The following POTEM variants were observed in gnomAD, a reference collection of about 807,000 sequenced individuals.
POTEM encodes the protein putative POTE ankyrin domain family member M.
For missense variants in POTEM, 24 were observed against 343.0 expected (o/e 0.07, Z 7.35); for synonymous variants, 8 against 113.2 (o/e 0.07, Z 5.90).
intron 1 of POTEM, among the ~76,000 whole-genome samples, chr14:18,968,540 G>A (rs1890818208): frequency 6.6e-6 from 1 of 150,874 alleles, no homozygotes; most frequent in African/African-American, 2.4e-5. Flanking sequence ...GAGCTTTTTG[G>A]CTGGGCGTGG....
At chr14:18,969,354 T>C (rs1322654559) in intron 1 of POTEM, among the ~76,000 whole-genome samples, 51 of 85,882 alleles carry the variant, frequency 5.9e-4, no homozygotes, top group Non-Finnish European at 8.7e-4. Flanking sequence ...TATATATACA[T>C]GTGTATATAT....
chr14:18,978,186 T>A (rs1891014738), intron 5 of POTEM: 1 of 160,368 alleles, frequency 6.2e-6, no homozygotes, highest in Non-Finnish European at 1.3e-5. Context: ...GTCCCTCGAG[T>A]CTTCATGGCA....
rs1382161413 is a variant in POTEM, at chr14:19,002,701, G to C, written c.*4036G>C. On this transcript the variant is annotated 3_prime_UTR_variant, in exon 11 of 11. Transcript: ENST00000547889. ...TGCCCATACCATAGTTTCTGTGCTAGTGGACCGTACCATATCAGTGGAGAG... is the reference window on the plus strand; with the variant it reads ...TGCCCATACCATAGTTTCTGTGCTACTGGACCGTACCATATCAGTGGAGAG... 2.0e-5 allele frequency among the ~76,000 whole-genome samples: 3 copies of C among 152,204 alleles called. No individual in the cohort carries two copies. The highest frequency in any genetic ancestry group is 4.4e-5 in the Non-Finnish European group (3 of 68,016).
rs1288282703 is a variant in POTEM, at chr14:19,000,296, GC to G, written c.*1633del. Reference sequence around the variant, plus strand: ...CAGGAAGCCCCTTGCCCTTCTAAAAGCCACCCCACTTCTCTCTAAGGAGAAT... The same window carrying G: ...CAGGAAGCCCCTTGCCCTTCTAAAAGCACCCCACTTCTCTCTAAGGAGAAT... On this transcript the variant is annotated 3_prime_UTR_variant, in exon 11 of 11. Coordinates refer to ENST00000547889, the MANE Select transcript of POTEM (RefSeq NM_001145442.1). Among the ~76,000 whole-genome samples, 1 of 135,490 alleles carries G rather than the reference GC, an allele frequency of 7.4e-6. No individual in the cohort carries two copies. The highest frequency in any genetic ancestry group is 2.3e-4 in the East Asian group (1 of 4,426). The allele number at this position is 135,490 out of a possible 152,430, so 88.9% of individuals were successfully genotyped here.
chr14:18,969,323 A>ACG (rs1338186209), intron 1 of POTEM, among the ~76,000 whole-genome samples: 2 of 112,774 alleles, frequency 1.8e-5, no homozygotes, highest in South Asian at 3.4e-4. Flanking sequence ...ATATGTATAT[A>ACG]TATATATATA....
At chr14:18,969,214 T>C (rs1398310470) in intron 1 of POTEM, among the ~76,000 whole-genome samples, 61 of 132,172 alleles carry the variant, frequency 4.6e-4, no homozygotes, top group African/African-American at 1.8e-3. Flanking sequence ...ATTAAAAATT[T>C]TAAATATACA....
At chr14:18,980,758 AAAG>A (rs1759146913) in intron 6 of POTEM, 1 of 136,852 alleles carries the variant, frequency 7.3e-6, no homozygotes, top group Admixed American at 6.9e-5. Flanking sequence ...TTTGATCACA[AAAG>A]AACACTGAAG....
intron 1 of POTEM, among the ~76,000 whole-genome samples, chr14:18,969,307 GTATA>G (rs376582358): frequency 1.3e-5 from 1 of 79,500 alleles, no homozygotes; most frequent in Non-Finnish European, 2.3e-5. Flanking sequence ...ATGTATATAC[GTATA>G]TATATGTATA....
chr14:18,969,361 A>ATATG (rs1214268115), intron 1 of POTEM, among the ~76,000 whole-genome samples: 1 of 77,280 alleles, frequency 1.3e-5, no homozygotes, highest in Non-Finnish European at 3.5e-5. Flanking sequence ...ACATGTGTAT[A>ATATG]TATATATATA....
chr14:18,999,496 G>A lies in POTEM; in HGVS notation c.*831G>A, dbSNP rs530606419. Among the ~76,000 whole-genome samples, 15 of 107,062 alleles carry A rather than the reference G, an allele frequency of 1.4e-4. 3 individuals are homozygous for A. The highest frequency in any genetic ancestry group is 2.6e-4 in the African/African-American group (8 of 31,366). The allele number at this position is 107,062 out of a possible 152,430, so 70.2% of individuals were successfully genotyped here. On this transcript the variant is annotated 3_prime_UTR_variant, in exon 11 of 11. Coordinates refer to ENST00000547889, the MANE Select transcript of POTEM (RefSeq NM_001145442.1). ...ACCATGGCCGAGCAGGAAATCGTGC[G>A]TGACATCACAGAGAAGCTGTGCTAT... is the stretch of plus-strand genomic sequence containing the variant.
At chr14:18,969,376 T>C (rs1412345495) in intron 1 of POTEM, among the ~76,000 whole-genome samples, 4 of 128,898 alleles carry the variant, frequency 3.1e-5, no homozygotes, top group Non-Finnish European at 4.8e-5. Flanking sequence ...TATATATATA[T>C]ATACACAAAA....
At chr14:18,969,307 GTATATATATGTATATATATATA>G (rs1214148195) in intron 1 of POTEM, among the ~76,000 whole-genome samples, 12 of 79,496 alleles carry the variant, frequency 1.5e-4, no homozygotes, top group African/African-American at 7.1e-4. Flanking sequence ...ATGTATATAC[GTATATATATGTATATATATATA>G]TATACGTATA....
At chr14:18,990,797 A>G (rs1379267368) in intron 9 of POTEM, among the ~76,000 whole-genome samples, 1 of 9,948 alleles carries the variant, frequency 1.0e-4, no homozygotes, top group Non-Finnish European at 3.1e-4. Context: ...TAGTCCATTC[A>G]TCACGGTCTG....
intron 7 of POTEM, among the ~76,000 whole-genome samples, chr14:18,985,834 G>C (rs1891168635): frequency 7.0e-6 from 1 of 143,024 alleles, no homozygotes; most frequent in Non-Finnish European, 1.5e-5. Flanking sequence ...GAACCTGGGG[G>C]GTGGAGCTTG....
intron 7 of POTEM, among the ~76,000 whole-genome samples, chr14:18,986,083 T>G (rs1192622108): frequency 1.8e-4 from 25 of 136,330 alleles, no homozygotes; most frequent in African/African-American, 7.5e-4. Context: ...ATCTGCCTTC[T>G]TGATTAGCTT....
intron 1 of POTEM, among the ~76,000 whole-genome samples, chr14:18,969,042 A>G (rs1397786843): frequency 6.7e-6 from 1 of 149,756 alleles, no homozygotes; most frequent in African/African-American, 2.5e-5. Context: ...AAAGACATCA[A>G]TGAATAAAAC....
Position 19,000,578 on chromosome 14 carries a change from AC to A in POTEM, c.*1915del, listed in dbSNP as rs1438333694. ...TAAGGAGAGTTGGAAAAAAGTGCACACCTTAAAAAAAATTCAATGAGGAAGC... is the reference window on the plus strand; with the variant it reads ...TAAGGAGAGTTGGAAAAAAGTGCACACTTAAAAAAAATTCAATGAGGAAGC... On this transcript the variant is annotated 3_prime_UTR_variant, in exon 11 of 11. Transcript: ENST00000547889. Among the ~76,000 whole-genome samples the A allele has an allele frequency of 1.2e-5, 1 of 84,888 alleles. No homozygotes were observed. The highest frequency in any genetic ancestry group is 2.1e-5 in the Non-Finnish European group (1 of 47,714). The allele number at this position is 84,888 out of a possible 152,430, so 55.7% of individuals were successfully genotyped here. A position where few individuals can be genotyped will look rare whatever the true frequency, so the allele number is the denominator to read the frequency against.
intron 6 of POTEM, among the ~76,000 whole-genome samples, chr14:18,982,963 G>A (rs1891121564): frequency 2.3e-5 from 2 of 86,402 alleles, no homozygotes; most frequent in Non-Finnish European, 4.9e-5. Context: ...AGGCTTGGGG[G>A]ACAGAGAGAA....
rs559161146 is a variant in POTEM at position 18,969,290 on chromosome 14, T to C, written c.521+1284T>C. 6.3e-3 allele frequency among the ~76,000 whole-genome samples: 734 copies of C among 115,810 alleles called. 6 individuals carry two copies. Among genetic ancestry groups the C allele is most frequent in the African/African-American group, 0.025 (691 of 27,906 alleles). 76.0% of individuals were successfully genotyped at this position (115,810 alleles called of 152,430 possible). A position where few individuals can be genotyped will look rare whatever the true frequency, so the allele number is the denominator to read the frequency against. On this transcript the variant is annotated intron_variant, in intron 1 of 10. Coordinates refer to ENST00000547889, the MANE Select transcript of POTEM (RefSeq NM_001145442.1). ...ACATATGCAGATATATATACACATG[T>C]ATATATATGTATATACGTATATATA...
Sources: allele counts gnomAD v4.1 joint callset (sites outside exome capture counted in the v4.1 genomes callset), GRCh38; gene constraint gnomAD v4.1.1; transcripts MANE v1.5; gene names NCBI Gene and HGNC (gene_info 2026-07-23, HGNC 2026-07-21).